The following GRIN2B variants were observed in gnomAD, a reference collection of about 807,000 sequenced individuals.
The protein encoded by GRIN2B is glutamate ionotropic receptor NMDA type subunit 2B, also known as glutamate receptor ionotropic, NMDA 2B.
A neutral mutation model predicts 114.5 loss-of-function variants in GRIN2B; 5 were observed. The observed-to-expected ratio is 0.04, with a 90% confidence interval of 0.02 to 0.09. The LOEUF (loss-of-function observed/expected upper bound fraction) is 0.09. Among genes scored for constraint, GRIN2B ranks in the 10% least tolerant of loss-of-function variants. GRIN2B has a pLI of 1.00. For missense variants in GRIN2B, 1,108 were observed against 1,943.5 expected (o/e 0.57, Z 8.08); for synonymous variants, 787 against 745.1 (o/e 1.06, Z -0.92).
At chr12:13,700,536 A>C (rs1950302341) in intron 4 of GRIN2B, among the ~76,000 whole-genome samples, 2 of 152,150 alleles carry the variant, frequency 1.3e-5, no homozygotes, top group African/African-American at 4.8e-5. Flanking sequence ...GATACTTGCC[A>C]GGCAGCACTA....
At chr12:13,611,207 C>T (rs1949361773) in intron 9 of GRIN2B, among the ~76,000 whole-genome samples, 3 of 152,164 alleles carry the variant, frequency 2.0e-5, no homozygotes, top group African/African-American at 4.8e-5. Context: ...CAACACCCAA[C>T]TTTTATACTC....
chr12:13,630,586 C>T (rs1346170677), intron 5 of GRIN2B, among the ~76,000 whole-genome samples: 2 of 152,106 alleles, frequency 1.3e-5, no homozygotes, highest in Admixed American at 6.5e-5. Context: ...TTGAGGACAA[C>T]CAAACGTAGA....
chr12:13,822,173 G>A (rs1353034355), intron 3 of GRIN2B, among the ~76,000 whole-genome samples: 2 of 152,170 alleles, frequency 1.3e-5, no homozygotes, highest in Non-Finnish European at 2.9e-5. Flanking sequence ...TGTGCAAAAA[G>A]AGGAGACAAT....
intron 4 of GRIN2B, among the ~76,000 whole-genome samples, chr12:13,750,463 T>C (rs1863463281): frequency 6.6e-6 from 1 of 152,208 alleles, no homozygotes. Flanking sequence ...AAGTTAAAAG[T>C]AGGCATTCCT....
chr12:13,892,320 A>G (rs1047686272), intron 2 of GRIN2B, among the ~76,000 whole-genome samples: 7 of 152,180 alleles, frequency 4.6e-5, no homozygotes, highest in Non-Finnish European at 7.4e-5. Context: ...TCTAATTTGT[A>G]TTTTATGCTT....
At chr12:13,672,206 C>T (rs1950028774) in intron 5 of GRIN2B, among the ~76,000 whole-genome samples, 1 of 152,080 alleles carries the variant, frequency 6.6e-6, no homozygotes, top group Admixed American at 6.6e-5. Context: ...CTTCTTAGTC[C>T]CATGCCATCA....
intron 2 of GRIN2B, among the ~76,000 whole-genome samples, chr12:13,963,088 T>C (rs1867725617): frequency 6.6e-6 from 1 of 152,226 alleles, no homozygotes; most frequent in South Asian, 2.1e-4. Context: ...GAGAAGCTGA[T>C]GGAAGTTCAG....
chr12:13,762,554 T>C (rs923411909), intron 3 of GRIN2B, among the ~76,000 whole-genome samples: 9 of 152,224 alleles, frequency 5.9e-5, no homozygotes, highest in African/African-American at 2.2e-4. Context: ...AACATCACGT[T>C]CATATACCAA....
At chr12:13,784,051 G>A (rs998268159) in intron 3 of GRIN2B, among the ~76,000 whole-genome samples, 4 of 151,718 alleles carry the variant, frequency 2.6e-5, no homozygotes, top group Non-Finnish European at 5.9e-5. Context: ...GTGAAACCCC[G>A]TCTCTACTAA....
At chr12:13,908,747 T>C (rs140126893) in intron 2 of GRIN2B, among the ~76,000 whole-genome samples, 2 of 152,206 alleles carry the variant, frequency 1.3e-5, no homozygotes. Context: ...TAAATAACAC[T>C]ACTTCCTTCA....
At chr12:13,610,031 T>G (rs1949346340) in intron 9 of GRIN2B, 1 of 152,234 alleles carries the variant, frequency 6.6e-6, no homozygotes, top group Non-Finnish European at 1.5e-5. Context: ...AACATCTGCC[T>G]GCACAGTTTT....
At chr12:13,763,933 G>A (rs1863727804) in intron 3 of GRIN2B, among the ~76,000 whole-genome samples, 1 of 152,108 alleles carries the variant, frequency 6.6e-6, no homozygotes, top group Non-Finnish European at 1.5e-5. Context: ...TATGGCTGCT[G>A]GTTATTAGCA....
At chr12:13,853,377 G>C (rs1047784716) in intron 3 of GRIN2B, among the ~76,000 whole-genome samples, 6 of 152,196 alleles carry the variant, frequency 3.9e-5, no homozygotes, top group African/African-American at 1.4e-4. Context: ...CCTTTGAAAA[G>C]TTAATTACAT....
rs1948344936 is a variant in GRIN2B, at chr12:13,546,504, C to T, written c.*16279G>A. 2 of 152,214 alleles carry T rather than the reference C, an allele frequency of 1.3e-5. No homozygotes were observed. Among genetic ancestry groups the T allele is most frequent in the African/African-American group, 4.8e-5 (2 of 41,456 alleles). The allele number at this position is 152,214 out of a possible 1,614,324, so 9.4% of individuals were successfully genotyped here. A position where few individuals can be genotyped will look rare whatever the true frequency, so the allele number is the denominator to read the frequency against. On this transcript the variant is annotated 3_prime_UTR_variant, in exon 14 of 14. Coordinates refer to ENST00000609686, the MANE Select transcript of GRIN2B (RefSeq NM_000834.5). Reference sequence around the variant, plus strand: ...GTGTCATCGTCTCTTCACCACCAAACCATTCTACCCCAATTTCCCTCTTCT... The same window carrying T: ...GTGTCATCGTCTCTTCACCACCAAATCATTCTACCCCAATTTCCCTCTTCT...
intron 4 of GRIN2B, among the ~76,000 whole-genome samples, chr12:13,702,199 T>C (rs1368890652): frequency 1.3e-5 from 2 of 152,212 alleles, no homozygotes; most frequent in Non-Finnish European, 2.9e-5. Context: ...GCTACTACCA[T>C]CACATCCAGA....
chr12:13,924,381 A>G (rs1866879819), intron 2 of GRIN2B, among the ~76,000 whole-genome samples: 1 of 152,186 alleles, frequency 6.6e-6, no homozygotes, highest in African/African-American at 2.4e-5. Flanking sequence ...CAACTGTGAG[A>G]GCTATTATCA....
chr12:13,683,081 G>A (rs1277720658), intron 4 of GRIN2B, among the ~76,000 whole-genome samples: 1 of 152,100 alleles, frequency 6.6e-6, no homozygotes, highest in East Asian at 1.9e-4. Context: ...ACCAAGCAGG[G>A]TCAATGTGGC....
intron 4 of GRIN2B, among the ~76,000 whole-genome samples, chr12:13,714,827 G>T (rs75685876): frequency 0.02 from 3,087 of 151,896 alleles, 120 homozygotes; most frequent in African/African-American, 0.07. Flanking sequence ...GGCTTTTAGG[G>T]TATCTATCGC....
intron 2 of GRIN2B, among the ~76,000 whole-genome samples, chr12:13,953,927 T>C (rs1867541339): frequency 6.6e-6 from 1 of 152,214 alleles, no homozygotes; most frequent in Admixed American, 6.5e-5. Context: ...TGAATAATAA[T>C]ATACACAGAC....
Sources: gnomAD v4.1 joint callset for allele counts (sites outside exome capture counted in the v4.1 genomes callset) on GRCh38, gnomAD v4.1.1 for gene constraint, MANE v1.5 for transcripts, NCBI Gene and HGNC (gene_info 2026-07-23, HGNC 2026-07-21) for gene names.